Variants in PRKN observed in about 807,000 individuals in gnomAD.
PRKN encodes the protein parkin RBR E3 ubiquitin protein ligase, also known as E3 ubiquitin-protein ligase parkin.
Under a neutral mutation model 59.5 loss-of-function variants are expected in PRKN, and 56 were observed. The observed-to-expected ratio is 0.94, with a 90% CI of 0.76 to 1.18. PRKN has a LOEUF of 1.18. Among genes scored for constraint, PRKN ranks in the 50% most tolerant of loss-of-function variants. The pLI is 0.00. For missense variants in PRKN, 657 were observed against 596.4 expected, an observed-to-expected ratio of 1.10 and a Z score of -1.06; for synonymous variants, 250 against 222.1, an observed-to-expected ratio of 1.13 and a Z score of -1.12.
rs769226281 is a variant in PRKN, at chr6:161,593,873, C to A, written c.872-24457G>T. 6.6e-6 allele frequency among the ~76,000 whole-genome samples: 1 copy of A among 151,938 alleles called. No individual in the cohort carries two copies. The highest frequency in any genetic ancestry group is 1.5e-5 in the Non-Finnish European group (1 of 67,988). ...GGTGATAGAATTGACTGCTGGAGGC[C>A]GGGCGCAGTGGCTCATGCCTGTAAT... On this transcript the variant is annotated intron_variant, in intron 7 of 11. Coordinates refer to ENST00000366898, the MANE Select transcript of PRKN (RefSeq NM_004562.3). The surrounding 1 kb of genome is among the most constrained non-coding windows in gnomAD (Gnocchi z 4.8).
At chr6:162,077,109 T>G (rs920581293) in intron 4 of PRKN, among the ~76,000 whole-genome samples, 7 of 152,096 alleles carry the variant, frequency 4.6e-5, no homozygotes, top group African/African-American at 1.7e-4. Flanking sequence ...ACCAGGAACG[T>G]GGCAGACATG....
chr6:161,942,603 A>C lies in PRKN; in HGVS notation c.734+30699T>G, dbSNP rs1290873614. On this transcript the variant is annotated intron_variant, in intron 6 of 11. Transcript: ENST00000366898. The stretch of plus-strand genomic sequence containing the variant: ...GTTGTTGGATACTTCCTTTTGTTCC[A>C]ATTCAAATACAGTGCATGACATTGG... Among the ~76,000 whole-genome samples, 3 of 152,322 alleles carry C rather than the reference A, an allele frequency of 2.0e-5. No individual in the cohort carries two copies. The East Asian group carries it at 5.8e-4, about 29-fold the overall frequency.
intron 3 of PRKN, among the ~76,000 whole-genome samples, chr6:162,213,906 T>C (rs1190462606): frequency 6.6e-6 from 1 of 151,272 alleles, no homozygotes; most frequent in Non-Finnish European, 1.5e-5. Flanking sequence ...AGTTCTTTGA[T>C]GTCCTATTCT....
intron 4 of PRKN, among the ~76,000 whole-genome samples, chr6:162,064,953 C>T (rs1778267505): frequency 6.6e-6 from 1 of 152,208 alleles, no homozygotes; most frequent in African/African-American, 2.4e-5. Context: ...AAGTCTCTTA[C>T]AATAATACAC....
At chr6:162,198,677 G>C (rs1180284630) in intron 4 of PRKN, among the ~76,000 whole-genome samples, 1 of 151,422 alleles carries the variant, frequency 6.6e-6, no homozygotes, top group Non-Finnish European at 1.5e-5. Context: ...TAATGGGGCA[G>C]ACTGGCTCTG....
chr6:162,175,282 T>A (rs1325639981), intron 4 of PRKN, among the ~76,000 whole-genome samples: 1 of 152,100 alleles, frequency 6.6e-6, no homozygotes, highest in African/African-American at 2.4e-5. Context: ...TAAAACATAG[T>A]TTGAGAAACA....
intron 7 of PRKN, among the ~76,000 whole-genome samples, chr6:161,680,758 TA>T (rs1562603864): frequency 0.017 from 306 of 18,500 alleles, 33 homozygotes; most frequent in African/African-American, 0.044. Context: ...TATATATATA[TA>T]TATATATATA....
intron 2 of PRKN, among the ~76,000 whole-genome samples, chr6:162,385,610 C>T (rs1001170932): frequency 3.9e-5 from 6 of 151,966 alleles, no homozygotes; most frequent in Non-Finnish European, 8.8e-5. Flanking sequence ...GGTCCTTTCC[C>T]GCTCTCCTTT....
At chr6:161,900,928 A>AT (rs1554245085) in intron 6 of PRKN, among the ~76,000 whole-genome samples, 18 of 143,512 alleles carry the variant, frequency 1.3e-4, no homozygotes, top group Non-Finnish European at 2.7e-4. Flanking sequence ...ATATATATAT[A>AT]TTTTTTAGAT....
At chr6:162,357,899 G>C (rs1562698488) in intron 2 of PRKN, among the ~76,000 whole-genome samples, 3 of 152,196 alleles carry the variant, frequency 2.0e-5, no homozygotes, top group African/African-American at 7.2e-5. Context: ...GATTGCCACA[G>C]GTTCAGGGGA....
intron 6 of PRKN, among the ~76,000 whole-genome samples, chr6:161,963,276 A>G (rs1186649119): frequency 6.6e-6 from 1 of 152,236 alleles, no homozygotes; most frequent in Non-Finnish European, 1.5e-5. Flanking sequence ...CAGGATTTGC[A>G]ATATTGCCCT....
intron 1 of PRKN, among the ~76,000 whole-genome samples, chr6:162,511,182 T>C (rs775568008): frequency 6.6e-6 from 1 of 152,150 alleles, no homozygotes; most frequent in South Asian, 2.1e-4. Context: ...TTTCTTTGTG[T>C]CTGCCTAATT....
Position 161,371,056 on chromosome 6 carries a change from G to A in PRKN, c.1168-10851C>T, listed in dbSNP as rs929887318. ...TTTCAGGGGCCTTGAGCTAGTCAAC[G>A]TTACTGCTTGGCAACGGGTGTCACC... On this transcript the variant is annotated intron_variant, in intron 10 of 11. Transcript: ENST00000366898. The surrounding 1 kb of genome is among the most constrained non-coding windows in gnomAD (Gnocchi z 5.5). 1.5e-4 allele frequency among the ~76,000 whole-genome samples: 23 copies of A among 152,134 alleles called. No individual in the cohort carries two copies. The highest frequency in any genetic ancestry group is 5.6e-4 in the African/African-American group (23 of 41,416).
chr6:161,366,403 C>T (rs1000989786), intron 10 of PRKN, among the ~76,000 whole-genome samples: 2 of 152,116 alleles, frequency 1.3e-5, no homozygotes, highest in African/African-American at 4.8e-5. Context: ...GATGCCCACA[C>T]TGAAGGTCAG....
intron 2 of PRKN, among the ~76,000 whole-genome samples, chr6:162,429,526 C>T (rs913130269): frequency 7.9e-5 from 12 of 152,128 alleles, no homozygotes; most frequent in Non-Finnish European, 1.8e-4. Context: ...TTTCTCTTCT[C>T]ATGAAGCCCT....
intron 7 of PRKN, among the ~76,000 whole-genome samples, chr6:161,681,393 CTTAAG>C (rs1057108553): frequency 4.0e-5 from 6 of 151,696 alleles, no homozygotes; most frequent in South Asian, 2.1e-4. Flanking sequence ...GGAAAAATAA[CTTAAG>C]TTATCATTTT....
chr6:162,392,709 A>T (rs751367738), intron 2 of PRKN, among the ~76,000 whole-genome samples: 2 of 152,194 alleles, frequency 1.3e-5, no homozygotes, highest in Non-Finnish European at 2.9e-5. Flanking sequence ...CTAATACCTA[A>T]TGTTACATTG....
At chr6:161,922,442 C>T (rs370116024) in intron 6 of PRKN, among the ~76,000 whole-genome samples, 100 of 152,098 alleles carry the variant, frequency 6.6e-4, no homozygotes, top group African/African-American at 2.1e-3. Context: ...TTACTTTTTT[C>T]TCTCATATTA....
chr6:161,862,501 C>A (rs1793942085), intron 6 of PRKN, among the ~76,000 whole-genome samples: 1 of 152,050 alleles, frequency 6.6e-6, no homozygotes, highest in Non-Finnish European at 1.5e-5. Flanking sequence ...AGTGAATAGG[C>A]ACAGGAATGA....
Sources: gnomAD v4.1 joint callset for allele counts (sites outside exome capture counted in the v4.1 genomes callset) on GRCh38, gnomAD v4.1.1 for gene constraint, Gnocchi (gnomAD v3.1) non-coding constraint, MANE v1.5 for transcripts, NCBI Gene and HGNC (gene_info 2026-07-23, HGNC 2026-07-21) for gene names.